ZNF804A: variants seen among roughly 807,000 people sequenced by gnomAD.
ZNF804A encodes the protein zinc finger protein 804A.
ZNF804A carries 2 observed loss-of-function variants against 16.5 expected under a neutral mutation model. The observed-to-expected ratio is 0.12, with a 90% CI of 0.05 to 0.38. The LOEUF is 0.38. Among genes scored for constraint, ZNF804A ranks in the 10% least tolerant of loss-of-function variants. The pLI, the probability that ZNF804A is intolerant of heterozygous loss-of-function variation, is 0.99. For synonymous variants in ZNF804A, 534 were observed against 489.6 expected (o/e 1.09, Z -1.20); for missense variants, 1,473 against 1,390.7 (o/e 1.06, Z -0.94).
chr2:184,694,648 A>G (rs1038199), intron 1 of ZNF804A, among the ~76,000 whole-genome samples: 1 of 152,218 alleles, frequency 6.6e-6, no homozygotes, highest in Non-Finnish European at 1.5e-5. Context: ...TTATTCAAGA[A>G]TTCTTCTCAG....
chr2:184,778,440 T>G (rs1694322276), intron 1 of ZNF804A, among the ~76,000 whole-genome samples: 1 of 151,436 alleles, frequency 6.6e-6, no homozygotes, highest in African/African-American at 2.4e-5. Context: ...CACATATGTA[T>G]AAAGTGGTTA....
chr2:184,819,206 T>G (rs796773798), intron 1 of ZNF804A, among the ~76,000 whole-genome samples: 5 of 151,404 alleles, frequency 3.3e-5, no homozygotes, highest in African/African-American at 1.2e-4. Context: ...AGAAAGGAAA[T>G]TAAAAAAAAA....
chr2:184,644,445 A>G (rs184259098), intron 1 of ZNF804A, among the ~76,000 whole-genome samples: 1 of 151,888 alleles, frequency 6.6e-6, no homozygotes, highest in African/African-American at 2.4e-5. Flanking sequence ...ATTATAAAAT[A>G]AAATATTAAA....
At position 184,938,162 on chromosome 2, in the gene ZNF804A, T is replaced by A. The variant is rs1442161751; in HGVS notation, c.2766T>A (p.Ser922Arg). 1.9e-6 allele frequency: 3 copies of A among 1,613,984 alleles called. No individual in the cohort carries two copies. In the African/African-American group the frequency reaches 4.0e-5, roughly 22 times the overall value. ...CCACCACATCTGTCTGTGTAGCTAG[T>A]GCCCCAACAAAAGAAGCAATTGACA... ...NDPTTSVCVA[S>R]APTKEAIDNT... The change falls in exon 4 of 4, where the codon AGT becomes AGA. Residue 922 changes from serine (S) to arginine (R), a missense_variant. Coordinates refer to ENST00000302277, the MANE Select transcript of ZNF804A (RefSeq NM_194250.2).
At chr2:184,893,565 TA>T (rs1368881934) in intron 2 of ZNF804A, among the ~76,000 whole-genome samples, 1 of 152,150 alleles carries the variant, frequency 6.6e-6, no homozygotes, top group Non-Finnish European at 1.5e-5. Context: ...TCTCAGGGAC[TA>T]AATTTCACCA....
At chr2:184,690,732 A>T (rs1434644265) in intron 1 of ZNF804A, among the ~76,000 whole-genome samples, 1 of 152,034 alleles carries the variant, frequency 6.6e-6, no homozygotes, top group Non-Finnish European at 1.5e-5. Flanking sequence ...CATTGATCGT[A>T]ATGTTTTCAC....
chr2:184,915,526 A>G (rs949260834), intron 2 of ZNF804A, among the ~76,000 whole-genome samples: 18 of 152,144 alleles, frequency 1.2e-4, no homozygotes, highest in Non-Finnish European at 2.4e-4. Context: ...CTATTCTATT[A>G]AGAAGTTAAT....
chr2:184,871,460 G>T (rs946533615), intron 2 of ZNF804A, among the ~76,000 whole-genome samples: 18 of 148,198 alleles, frequency 1.2e-4, no homozygotes, highest in Non-Finnish European at 1.9e-4. Flanking sequence ...ATTTTCCACT[G>T]AATATTATTA....
intron 1 of ZNF804A, among the ~76,000 whole-genome samples, chr2:184,783,588 C>A (rs1160355853): frequency 6.6e-6 from 1 of 151,840 alleles, no homozygotes; most frequent in South Asian, 2.1e-4. Context: ...TCTGGCACTT[C>A]TTCTGTTGTT....
rs1283781848 is a variant in ZNF804A, at chr2:184,936,625, C to G, written c.1229C>G (p.Thr410Ser). The change falls in exon 4 of 4, where the codon ACT becomes AGT. Residue 410 changes from threonine to serine, a missense_variant. Transcript: ENST00000302277. ...TCAAATACTGAAGAGGTTAACATAA[C>G]TATACATAAGAAAACAAATTTCTGC... The part of the protein sequence containing the change: ...APSNTEEVNI[T>S]IHKKTNFCKR... The G allele has an allele frequency of 6.2e-7, 1 of 1,613,992 alleles. No homozygotes were observed. Among genetic ancestry groups the G allele is most frequent in the Non-Finnish European group, 8.5e-7 (1 of 1,179,954 alleles).
intron 1 of ZNF804A, among the ~76,000 whole-genome samples, chr2:184,727,647 C>G (rs1693435660): frequency 1.3e-5 from 2 of 151,454 alleles, no homozygotes; most frequent in South Asian, 4.1e-4. Context: ...TTAAACATAA[C>G]TAGAAATAAT....
chr2:184,868,043 G>A (rs1219933694), intron 2 of ZNF804A, among the ~76,000 whole-genome samples: 1 of 152,042 alleles, frequency 6.6e-6, no homozygotes, highest in African/African-American at 2.4e-5. Context: ...CTTATTCTTA[G>A]TGAACTTAGT....
intron 1 of ZNF804A, among the ~76,000 whole-genome samples, chr2:184,808,811 A>T (rs2105785722): frequency 1.3e-5 from 2 of 151,930 alleles, no homozygotes; most frequent in Middle Eastern, 3.4e-3. Context: ...TTTAAAAATT[A>T]ACTATTTTTA....
At chr2:184,931,641 G>A (rs986201542) in intron 2 of ZNF804A, among the ~76,000 whole-genome samples, 5 of 152,174 alleles carry the variant, frequency 3.3e-5, no homozygotes, top group Admixed American at 2.6e-4. Flanking sequence ...AGGCTGCTGT[G>A]AAGAAACCTG....
intron 2 of ZNF804A, among the ~76,000 whole-genome samples, chr2:184,910,679 G>T (rs978043950): frequency 2.6e-5 from 4 of 151,998 alleles, no homozygotes; most frequent in Non-Finnish European, 4.4e-5. Context: ...TGACTGGTAC[G>T]AGATGGTATA....
intron 1 of ZNF804A, among the ~76,000 whole-genome samples, chr2:184,751,113 T>C (rs1693870855): frequency 6.6e-6 from 1 of 151,572 alleles, no homozygotes; most frequent in Non-Finnish European, 1.5e-5. Context: ...TCTTAAATGC[T>C]GTGAATAATG....
chr2:184,656,838 T>A (rs909849151), intron 1 of ZNF804A, among the ~76,000 whole-genome samples: 3 of 152,102 alleles, frequency 2.0e-5, no homozygotes, highest in African/African-American at 4.8e-5. Context: ...GTCCAGGTGG[T>A]CTGTTGGGAG....
At chr2:184,867,328 G>A (rs901584934) in intron 2 of ZNF804A, among the ~76,000 whole-genome samples, 5 of 152,020 alleles carry the variant, frequency 3.3e-5, no homozygotes, top group East Asian at 1.9e-4. Flanking sequence ...ATACCATGCC[G>A]AGTACTCATT....
intron 1 of ZNF804A, among the ~76,000 whole-genome samples, chr2:184,657,187 T>C (rs1280095007): frequency 1.3e-5 from 2 of 152,100 alleles, no homozygotes; most frequent in Admixed American, 6.6e-5. Context: ...ATGGGCTCAA[T>C]TGATTCTCCC....
Sources: allele counts gnomAD v4.1 joint callset (sites outside exome capture counted in the v4.1 genomes callset), GRCh38; gene constraint gnomAD v4.1.1; transcripts MANE v1.5; gene names NCBI Gene and HGNC (gene_info 2026-07-23, HGNC 2026-07-21).